MRGPRX1: variants seen among roughly 807,000 people sequenced by gnomAD.
MRGPRX1 encodes mas-related G protein-coupled receptor member X1.
For missense variants in MRGPRX1, 411 were observed against 393.8 expected, an observed-to-expected ratio of 1.04 and a Z score of -0.37; for synonymous variants, 208 against 170.4, an observed-to-expected ratio of 1.22 and a Z score of -1.72.
Position 18,939,270 on chromosome 11 carries a change from T to C in MRGPRX1, c.-26+10A>G, listed in dbSNP as rs1190382760. The C allele has an allele frequency of 6.6e-6, 1 of 151,688 alleles. No individual in the cohort carries two copies. Among genetic ancestry groups the C allele is most frequent in the Non-Finnish European group, 1.5e-5 (1 of 67,942 alleles). The allele number at this position is 151,688 out of a possible 1,614,324, so 9.4% of individuals were successfully genotyped here. A position where few individuals can be genotyped will look rare whatever the true frequency, so the allele number is the denominator to read the frequency against. Reference sequence around the variant, plus strand: ...ACTGACTATGGAAGAAGACAAATCTTGGTACTTACCCTTATCTTTTTCTCC... The same window carrying C: ...ACTGACTATGGAAGAAGACAAATCTCGGTACTTACCCTTATCTTTTTCTCC... On this transcript the variant is annotated intron_variant, in intron 1 of 1. Coordinates refer to ENST00000526914, the MANE Select transcript of MRGPRX1 (RefSeq NM_001393578.1).
rs752225151 is a variant in MRGPRX1 at position 18,933,936 on chromosome 11, A to G, written c.849T>C (p.Asn283=). ...GGAGAACCAGCTTCAGGTTCTGCCT[A>G]TTTTGACGCTGCCTAAAGGAGCCCA... ...FFVGSFRQRQ[N]RQNLKLVLQR... The change falls in exon 2 of 2, where the codon AAT becomes AAC. Residue 283 remains asparagine, a synonymous_variant. Coordinates refer to ENST00000526914, the MANE Select transcript of MRGPRX1 (RefSeq NM_001393578.1). 2 of 1,610,972 alleles carry G rather than the reference A, an allele frequency of 1.2e-6. No individual in the cohort carries two copies. Among genetic ancestry groups the G allele is most frequent in the East Asian group, 2.2e-5 (1 of 44,804 alleles).
intron 1 of MRGPRX1, among the ~76,000 whole-genome samples, chr11:18,937,061 A>T (rs1312019060): frequency 6.6e-6 from 1 of 151,534 alleles, no homozygotes; most frequent in Non-Finnish European, 1.5e-5. Flanking sequence ...AGAGTTTAAA[A>T]GCGGCACAAG....
Position 18,934,559 on chromosome 11 carries a change from G to A in MRGPRX1, c.226C>T (p.Leu76Phe). Residue 76 changes from leucine to phenylalanine, a missense_variant, in exon 2 of 2, where the codon CTC becomes TTC. Coordinates refer to ENST00000526914, the MANE Select transcript of MRGPRX1 (RefSeq NM_001393578.1). ...LNLAAADFLFLSGRLIYSLLS... is the reference protein window; with the variant it reads ...LNLAAADFLFFSGRLIYSLLS... ...AGGGAATATATAAGGCGGCCGCTGA[G>A]GAAGAGGAAGTCTGCTGCGGCCAAG... 6.2e-7 allele frequency: 1 copy of A among 1,609,850 alleles called. No homozygotes were observed. The highest frequency in any genetic ancestry group is 1.1e-5 in the South Asian group (1 of 90,628).
rs760583024 is a variant in MRGPRX1 at position 18,934,156 on chromosome 11, G to A, written c.629C>T (p.Pro210Leu). Residue 210 changes from proline (P) to leucine (L), a missense_variant, in exon 2 of 2, where the codon CCG becomes CTG. Transcript: ENST00000526914. ...IRILCGSRKI[P>L]LTRLYVTILL... ...GATGGTCACGTACAGCCTGGTCAGC[G>A]GTATCTTCCGGGATCCACAGAGAAT... 27 of 1,610,690 alleles carry A rather than the reference G, an allele frequency of 1.7e-5. No individual in the cohort carries two copies. Among genetic ancestry groups the A allele is most frequent in the Middle Eastern group, 1.6e-4 (1 of 6,076 alleles).
intron 1 of MRGPRX1, among the ~76,000 whole-genome samples, chr11:18,937,649 T>A (rs1360302275): frequency 3.3e-5 from 5 of 151,456 alleles, no homozygotes; most frequent in African/African-American, 1.2e-4. Context: ...GCCATACCCT[T>A]ATTTTTGGAA....
chr11:18,937,562 T>C (rs2133262803), intron 1 of MRGPRX1, among the ~76,000 whole-genome samples: 1 of 151,682 alleles, frequency 6.6e-6, no homozygotes, highest in East Asian at 1.9e-4. Context: ...CCATGTAAGT[T>C]CTTGTTTTAC....
rs1848856752 is a variant in MRGPRX1, at chr11:18,938,320, T to G, written c.-26+960A>C. Among the ~76,000 whole-genome samples the G allele has an allele frequency of 1.3e-5, 2 of 151,530 alleles. 1 individual carries two copies. Among genetic ancestry groups the G allele is most frequent in the South Asian group, 4.2e-4 (2 of 4,778 alleles). On this transcript the variant is annotated intron_variant, in intron 1 of 1. Coordinates refer to ENST00000526914, the MANE Select transcript of MRGPRX1 (RefSeq NM_001393578.1). ...CAAGAAGCATAGCAGCTTCTGCTTC[T>G]AAGAAGGCCTCAGGAAGCTTCCAAT...
chr11:18,937,638 C>T lies in MRGPRX1; in HGVS notation c.-26+1642G>A, dbSNP rs947073849. 3.3e-5 allele frequency among the ~76,000 whole-genome samples: 5 copies of T among 151,382 alleles called. No homozygotes were observed. In the East Asian group the frequency reaches 5.8e-4, roughly 18 times the overall value. On this transcript the variant is annotated intron_variant, in intron 1 of 1. Transcript: ENST00000526914. Reference sequence around the variant, plus strand: ...TACCTGTTCAGTACATGCACACCTCCGCCATACCCTTATTTTTGGAACAGT... The same window carrying T: ...TACCTGTTCAGTACATGCACACCTCTGCCATACCCTTATTTTTGGAACAGT...
chr11:18,934,574 C>T lies in MRGPRX1; in HGVS notation c.211G>A (p.Ala71Thr). ...FSIYILNLAA[A>T]DFLFLSGRLI... is the part of the protein sequence containing the mutation. Reference sequence around the variant, plus strand: ...CGGCCGCTGAGGAAGAGGAAGTCTGCTGCGGCCAAGTTGAGGATGTAGATG... The same window carrying T: ...CGGCCGCTGAGGAAGAGGAAGTCTGTTGCGGCCAAGTTGAGGATGTAGATG... The change falls in exon 2 of 2, where the codon GCA becomes ACA. Residue 71 changes from alanine to threonine, a missense_variant. Ala to Thr is a moderately conservative substitution (Grantham distance 58, BLOSUM62 0). Transcript: ENST00000526914. 2 of 1,609,636 alleles carry T rather than the reference C, an allele frequency of 1.2e-6. No homozygotes were observed. Among genetic ancestry groups the T allele is most frequent in the East Asian group, 2.2e-5 (1 of 44,794 alleles).
intron 1 of MRGPRX1, among the ~76,000 whole-genome samples, chr11:18,938,499 T>C (rs953040683): frequency 6.6e-6 from 1 of 151,464 alleles, no homozygotes; most frequent in Non-Finnish European, 1.5e-5. Flanking sequence ...TGTTAAGCCA[T>C]TTATGAGAAA....
At chr11:18,938,778 G>C (rs1188997092) in intron 1 of MRGPRX1, among the ~76,000 whole-genome samples, 1 of 151,380 alleles carries the variant, frequency 6.6e-6, no homozygotes, top group Non-Finnish European at 1.5e-5. Flanking sequence ...TGTTGCTTAG[G>C]GTGCTGACCC....
chr11:18,936,480 G>A (rs1848841646), intron 1 of MRGPRX1, among the ~76,000 whole-genome samples: 1 of 151,214 alleles, frequency 6.6e-6, no homozygotes, highest in Non-Finnish European at 1.5e-5. Flanking sequence ...GCCTCCAGGT[G>A]GAAAGAAGAC....
In MRGPRX1 at chr11:18,934,683, C is replaced by G; in HGVS notation, c.102G>C (p.Thr34=). ...YKQTLSLTVL[T]CIVSLVGLTG... is the part of the protein sequence containing the mutation. ...TCAGCCCGACAAGGGAAACGATGCA[C>G]GTCAGCACCGTGAGGCTCAAGGTCT... is the stretch of plus-strand genomic sequence containing the variant. The change falls in exon 2 of 2, where the codon ACG becomes ACC. Residue 34 remains threonine (T), a synonymous_variant. Coordinates refer to ENST00000526914, the MANE Select transcript of MRGPRX1 (RefSeq NM_001393578.1). 3.7e-6 allele frequency: 6 copies of G among 1,610,448 alleles called. No homozygotes were observed. Among genetic ancestry groups the G allele is most frequent in the Non-Finnish European group, 5.1e-6 (6 of 1,177,932 alleles).
Position 18,934,210 on chromosome 11 carries a change from C to T in MRGPRX1, c.575G>A (p.Cys192Tyr). 2 of 1,610,566 alleles carry T rather than the reference C, an allele frequency of 1.2e-6. No homozygotes were observed. Among genetic ancestry groups the T allele is most frequent in the South Asian group, 1.1e-5 (1 of 90,766 alleles). The change falls in exon 2 of 2, where the codon TGT becomes TAT. Residue 192 changes from cysteine to tyrosine, a missense_variant. Coordinates refer to ENST00000526914, the MANE Select transcript of MRGPRX1 (RefSeq NM_001393578.1). ...GATCAGCAGGACCAGGCTGGACCCA[C>T]AGAGAACCACACATAAAAAAATCAG... ...AWLIFLCVVL[C>Y]GSSLVLLIRI...
intron 1 of MRGPRX1, 56 bp from the exon 2 acceptor site, chr11:18,934,865 C>T: frequency 4.1e-6 from 6 of 1,466,146 alleles, no homozygotes; most frequent in Admixed American, 2.3e-5. Flanking sequence ...TTCTCCCCAC[C>T]ACCCTGCCAT....
chr11:18,939,400 A>G lies in MRGPRX1; in HGVS notation c.-146T>C, dbSNP rs1848864750. The G allele has an allele frequency of 6.6e-6, 1 of 151,810 alleles. No homozygotes were observed. The highest frequency in any genetic ancestry group is 1.5e-5 in the Non-Finnish European group (1 of 68,064). The allele number at this position is 151,810 out of a possible 1,614,324, so 9.4% of individuals were successfully genotyped here. A position where few individuals can be genotyped will look rare whatever the true frequency, so the allele number is the denominator to read the frequency against. On this transcript the variant is annotated 5_prime_UTR_variant, in exon 1 of 2. Coordinates refer to ENST00000526914, the MANE Select transcript of MRGPRX1 (RefSeq NM_001393578.1). ...GTGTTGCTTAATTCAGGAGATGCAT[A>G]CAGGAGCTGGAGTCAAAGCTGGTGA... is the stretch of plus-strand genomic sequence containing the variant.
intron 1 of MRGPRX1, among the ~76,000 whole-genome samples, chr11:18,936,561 A>G (rs1848842509): frequency 6.6e-6 from 1 of 151,234 alleles, no homozygotes; most frequent in Admixed American, 6.6e-5. Context: ...TTAGAGAGAC[A>G]AGCTGCCACA....
chr11:18,936,823 G>T (rs1296199091), intron 1 of MRGPRX1, among the ~76,000 whole-genome samples: 1 of 151,434 alleles, frequency 6.6e-6, no homozygotes, highest in Admixed American at 6.6e-5. Flanking sequence ...GAGGCCTAGA[G>T]AATTAAAGTG....
chr11:18,936,722 C>T (rs1377744929), intron 1 of MRGPRX1, among the ~76,000 whole-genome samples: 2 of 151,628 alleles, frequency 1.3e-5, no homozygotes, highest in South Asian at 2.1e-4. Context: ...CTAGTCATGC[C>T]TGTCTTTTCC....
Sources: gnomAD v4.1 joint callset for allele counts (sites outside exome capture counted in the v4.1 genomes callset) on GRCh38, gnomAD v4.1.1 for gene constraint, MANE v1.5 for transcripts, NCBI Gene and HGNC (gene_info 2026-07-23, HGNC 2026-07-21) for gene names.